The following MFN2 variants were observed in gnomAD, a reference collection of about 807,000 sequenced individuals.
The protein encoded by MFN2 is mitofusin 2.
A neutral mutation model predicts 87.5 loss-of-function variants in MFN2; 43 were observed. That is an observed-to-expected ratio of 0.49 (90% CI 0.38 to 0.63). The LOEUF is 0.63. MFN2 is among the 30% of genes least tolerant of loss of function. The pLI is 0.00. For missense variants in MFN2, 743 were observed against 972.8 expected (o/e 0.76, Z 3.14); for synonymous variants, 337 against 359.9 (o/e 0.94, Z 0.72).
chr1:11,984,050 A>G (rs1433143403), intron 2 of MFN2, among the ~76,000 whole-genome samples: 1 of 151,930 alleles, frequency 6.6e-6, no homozygotes, highest in Non-Finnish European at 1.5e-5. Context: ...GACCGGCTGA[A>G]CTCCCAGCAG....
chr1:12,009,959 G>T (rs1273020415), intron 18 of MFN2, among the ~76,000 whole-genome samples: 2 of 152,216 alleles, frequency 1.3e-5, no homozygotes, highest in Admixed American at 6.5e-5. Flanking sequence ...TTTGAGACTA[G>T]CCTGACCAAC....
chr1:11,993,812 G>T (rs1192565524), intron 4 of MFN2, among the ~76,000 whole-genome samples: 2 of 151,562 alleles, frequency 1.3e-5, no homozygotes, highest in Admixed American at 6.6e-5. Context: ...TGATATACAT[G>T]AAGTATTCAT....
At chr1:12,006,437 C>T in intron 15 of MFN2, 101 bp from the exon 16 acceptor site, 1 of 1,486,966 alleles carries the variant, frequency 6.7e-7, no homozygotes, top group Non-Finnish European at 9.3e-7. Flanking sequence ...ATTGAAGAGC[C>T]ACTCTGTGTC....
In MFN2 at chr1:11,998,082, C is replaced by T. The variant is rs552260652; in HGVS notation, c.599+661C>T. On this transcript the variant is annotated intron_variant, in intron 6 of 18. Coordinates refer to ENST00000235329, the MANE Select transcript of MFN2 (RefSeq NM_014874.4). ...TATTTTTAGTAGAGACGGGGTTTCA[C>T]CATGTTGGCCAGGCTGGTCTTGAAC... Among the ~76,000 whole-genome samples, 59 of 150,358 alleles carry T rather than the reference C, an allele frequency of 3.9e-4. 1 individual carries two copies. Among genetic ancestry groups the T allele is most frequent in the Non-Finnish European group, 6.4e-4 (43 of 67,568 alleles).
Position 11,996,254 on chromosome 1 carries a change from A to T in MFN2, c.410A>T (p.Glu137Val). Residue 137 changes from glutamate to valine, a missense_variant, in exon 5 of 19, where the codon GAG becomes GTG. By Grantham distance (121) the Glu-to-Val change is moderately radical (BLOSUM62 -2). Around this residue, in one of 3 missense-constraint regions of MFN2, gnomAD observed 141 missense variants for 278.9 expected, o/e 0.51. Transcript: ENST00000235329. ...ACCACCAATTGCTTCCTGCGGGTAG[A>T]GGGCACAGATGGCCATGAGGCCTTT... ...GHTTNCFLRV[E>V]GTDGHEAFLL... 1 of 1,614,196 alleles carries T rather than the reference A, an allele frequency of 6.2e-7. No individual in the cohort carries two copies. The highest frequency in any genetic ancestry group is 1.1e-5 in the South Asian group (1 of 91,086).
intron 14 of MFN2, 79 bp downstream of exon 14, chr1:12,005,006 C>G: frequency 9.0e-7 from 1 of 1,110,078 alleles, no homozygotes; most frequent in Non-Finnish European, 1.3e-6. Flanking sequence ...CTAAAGAAAT[C>G]AGGACTTTCC....
chr1:11,991,943 AAAAAAAAAAG>A (rs1638700226), intron 3 of MFN2, among the ~76,000 whole-genome samples: 1 of 147,046 alleles, frequency 6.8e-6, no homozygotes, highest in South Asian at 2.2e-4. Flanking sequence ...AAAAAAAAAA[AAAAAAAAAAG>A]AAGTGACATA....
chr1:11,989,801 G>T (rs984252555), intron 3 of MFN2, among the ~76,000 whole-genome samples: 2 of 152,130 alleles, frequency 1.3e-5, no homozygotes, highest in African/African-American at 4.8e-5. Context: ...GATATTTTTA[G>T]ATTGGTGACA....
In MFN2 at chr1:11,997,302, G is replaced by A. The variant is rs1638955774; in HGVS notation, c.480G>A (p.Val160=). ...TTTCCTTCCTCTGCCATCAGACTGTGAACCAGCTGGCCCATGCCCTCCACC... is the reference window on the plus strand; with the variant it reads ...TTTCCTTCCTCTGCCATCAGACTGTAAACCAGCTGGCCCATGCCCTCCACC... ...GSEEKRSAKT[V]NQLAHALHQD... Residue 160 remains valine, a synonymous_variant, in exon 6 of 19, where the codon GTG becomes GTA. Coordinates refer to ENST00000235329, the MANE Select transcript of MFN2 (RefSeq NM_014874.4). 1 of 1,614,000 alleles carries A rather than the reference G, an allele frequency of 6.2e-7. No homozygotes were observed. Among genetic ancestry groups the A allele is most frequent in the Non-Finnish European group, 8.5e-7 (1 of 1,180,026 alleles).
In MFN2 at chr1:12,004,420, A is replaced by T; in HGVS notation, c.1288-89A>T. 4 of 1,152,574 alleles carry T rather than the reference A, an allele frequency of 3.5e-6. No homozygotes were observed. The South Asian group carries it at 4.9e-5, about 14-fold the overall frequency. The allele number at this position is 1,152,574 out of a possible 1,614,324, so 71.4% of individuals were successfully genotyped here. A position where few individuals can be genotyped will look rare whatever the true frequency, so the allele number is the denominator to read the frequency against. The stretch of plus-strand genomic sequence containing the variant: ...GGAGGCTGCTGGTTTGAGAGGAAGG[A>T]TGTGCCATCTGCTAGGATCTCTCCT... On this transcript the variant is annotated intron_variant, in intron 12 of 18. Coordinates refer to ENST00000235329, the MANE Select transcript of MFN2 (RefSeq NM_014874.4). This position sits in a 1 kb window ranked among gnomAD's most constrained non-coding sequence, Gnocchi z 4.2.
chr1:12,005,886 G>A lies in MFN2; in HGVS notation c.1671G>A (p.Leu557=). 1 of 1,614,122 alleles carries A rather than the reference G, an allele frequency of 6.2e-7. No homozygotes were observed. Among genetic ancestry groups the A allele is most frequent in the Non-Finnish European group, 8.5e-7 (1 of 1,180,024 alleles). The part of the protein sequence containing the change: ...LGWTMLVNRF[L]GPKNSRRALM... Reference sequence around the variant, plus strand: ...GGACCATGCTGGTGAATAGGTTCCTGGGCCCCAAGAACAGCCGTCGGGCCT... The same window carrying A: ...GGACCATGCTGGTGAATAGGTTCCTAGGCCCCAAGAACAGCCGTCGGGCCT... The change falls in exon 15 of 19, where the codon CTG becomes CTA. Residue 557 remains leucine (L), a synonymous_variant. Transcript: ENST00000235329.
In MFN2 at chr1:12,007,218, A is replaced by C; in HGVS notation, c.2038A>C (p.Thr680Pro). The part of the protein sequence containing the change: ...SEKLQLVISY[T>P]GSNCSHQVQQ... ...GAAGCTGCAGCTTGTCATCAGCTAC[A>C]CTGGCTCCAACTGCAGCCACCAAGT... Residue 680 changes from threonine (T) to proline (P), a missense_variant, in exon 17 of 19, where the codon ACT (threonine) becomes CCT (proline). By Grantham distance (38) the Thr-to-Pro change is conservative. This residue lies in a region of MFN2 where 571 missense variants were observed against 670.7 expected (regional missense o/e 0.85). Coordinates refer to ENST00000235329, the MANE Select transcript of MFN2 (RefSeq NM_014874.4). 1.2e-6 allele frequency: 2 copies of C among 1,614,020 alleles called. No individual in the cohort carries two copies. The highest frequency in any genetic ancestry group is 1.7e-6 in the Non-Finnish European group (2 of 1,180,026).
intron 1 of MFN2, among the ~76,000 whole-genome samples, chr1:11,981,359 C>T (rs915032697): frequency 3.3e-5 from 5 of 152,178 alleles, no homozygotes. Context: ...AAAAACTAGC[C>T]GGGCTTGCTG....
chr1:12,006,422 TGGA>T, intron 15 of MFN2, 113 bp from the exon 16 acceptor site: 18 of 1,400,596 alleles, frequency 1.3e-5, no homozygotes, highest in Admixed American at 1.1e-4. Context: ...TTTTGCCTTT[TGGA>T]AATTGAAGAG....
intron 3 of MFN2, among the ~76,000 whole-genome samples, chr1:11,990,541 C>G (rs1241948278): frequency 6.6e-6 from 1 of 152,206 alleles, no homozygotes; most frequent in Non-Finnish European, 1.5e-5. Context: ...ATGTGGTGGA[C>G]AAACACATGC....
chr1:12,006,989 A>G, intron 16 of MFN2, 64 bp from the exon 17 acceptor site: 3 of 1,589,216 alleles, frequency 1.9e-6, no homozygotes, highest in Non-Finnish European at 8.6e-7. Context: ...CCTGGTAGTG[A>G]TGGGCCCCAG....
intron 2 of MFN2, among the ~76,000 whole-genome samples, chr1:11,987,439 G>A (rs1028212386): frequency 6.6e-6 from 1 of 151,766 alleles, no homozygotes; most frequent in Non-Finnish European, 1.5e-5. Context: ...AGACCTACCT[G>A]GCCAACATGG....
intron 5 of MFN2, 36 bp from the exon 6 acceptor site, chr1:11,997,258 TTCC>T: frequency 6.2e-7 from 1 of 1,613,124 alleles, no homozygotes; most frequent in Non-Finnish European, 8.5e-7. Context: ...GGCCTGGTGG[TTCC>T]TCCTCAGCCT....
Position 12,002,007 on chromosome 1 carries a change from A to G in MFN2, c.1064A>G (p.Lys355Arg), listed in dbSNP as rs143747551. 2 of 1,614,050 alleles carry G rather than the reference A, an allele frequency of 1.2e-6. No homozygotes were observed. Among genetic ancestry groups the G allele is most frequent in the Non-Finnish European group, 1.7e-6 (2 of 1,180,048 alleles). Residue 355 changes from lysine to arginine, a missense_variant, in exon 11 of 19, where the codon AAG becomes AGG. This residue lies in a region of MFN2 where 571 missense variants were observed against 670.7 expected (regional missense o/e 0.85). Transcript: ENST00000235329. ...FEECISQSAV[K>R]TKFEQHTVRA... ...GAGTGCATCTCCCAGTCTGCAGTGA[A>G]GACCAAGTTTGAGCAGCACACGGTC...
Sources: gnomAD v4.1 joint callset for allele counts (sites outside exome capture counted in the v4.1 genomes callset) on GRCh38, gnomAD v4.1.1 for gene constraint, gnomAD v4.1.1 regional missense constraint, Gnocchi (gnomAD v3.1) non-coding constraint, MANE v1.5 for transcripts, NCBI Gene and HGNC (gene_info 2026-07-23, HGNC 2026-07-21) for gene names.